Variants in SPATA6 observed in about 807,000 individuals in gnomAD.
SPATA6 encodes the protein spermatogenesis associated 6, also known as spermatogenesis-associated protein 6.
A neutral mutation model predicts 65.3 loss-of-function variants in SPATA6; 56 were observed. The ratio of observed to expected loss-of-function variants is 0.86; its 90% CI spans 0.69 to 1.07. The LOEUF (loss-of-function observed/expected upper bound fraction) is 1.07, where lower values mean the gene tolerates loss of function less well. Among genes scored for constraint, SPATA6 ranks in the 50% least tolerant of loss-of-function variants. The pLI, the probability that SPATA6 is intolerant of heterozygous loss-of-function variation, is 0.00. For missense variants in SPATA6, 590 were observed against 594.8 expected, an observed-to-expected ratio of 0.99 and a Z score of 0.08; for synonymous variants, 199 against 213.2, an observed-to-expected ratio of 0.93 and a Z score of 0.58.
intron 3 of SPATA6, among the ~76,000 whole-genome samples, chr1:48,421,674 A>G (rs1045185930): frequency 9.9e-5 from 15 of 152,260 alleles, no homozygotes; most frequent in African/African-American, 3.6e-4. Flanking sequence ...CCTTAAAAAC[A>G]GAAAAGAGAA....
intron 11 of SPATA6, among the ~76,000 whole-genome samples, chr1:48,309,940 A>C (rs1329857391): frequency 6.6e-6 from 1 of 152,182 alleles, no homozygotes; most frequent in Non-Finnish European, 1.5e-5. Context: ...GCAGAGCCTT[A>C]AGGTAGGCTG....
At chr1:48,317,765 T>C (rs545015592) in intron 11 of SPATA6, among the ~76,000 whole-genome samples, 2 of 152,258 alleles carry the variant, frequency 1.3e-5, no homozygotes, top group African/African-American at 2.4e-5. Context: ...ACCAAATCTT[T>C]ACAACTTCTT....
At chr1:48,354,234 CA>C (rs1646593275) in intron 11 of SPATA6, among the ~76,000 whole-genome samples, 2 of 152,088 alleles carry the variant, frequency 1.3e-5, no homozygotes, top group South Asian at 4.1e-4. Context: ...TACACACACA[CA>C]ATCAGTCAAA....
chr1:48,315,631 A>G lies in SPATA6; in HGVS notation c.1195-9753T>C, dbSNP rs369546553. Among the ~76,000 whole-genome samples the G allele has an allele frequency of 5.0e-3, 757 of 152,322 alleles. 6 individuals are homozygous for G. Among genetic ancestry groups the G allele is most frequent in the South Asian group, 0.027 (132 of 4,830 alleles). On this transcript the variant is annotated intron_variant, in intron 11 of 12. Coordinates refer to ENST00000371847, the MANE Select transcript of SPATA6 (RefSeq NM_019073.4). ...AGCATTCCCTTTGAAAACTGGCACA[A>G]GACAGGGATGCCCTCTCTCACCACT...
chr1:48,452,631 G>A lies in SPATA6; in HGVS notation c.189+363C>T, dbSNP rs1336573840. ...ACTCCTGACCTCAGGTGATCCACCC[G>A]CCTCGGCCTCCCAAAGTGCTGGGAT... On this transcript the variant is annotated intron_variant, in intron 2 of 12. Coordinates refer to ENST00000371847, the MANE Select transcript of SPATA6 (RefSeq NM_019073.4). Among the ~76,000 whole-genome samples, 6 of 152,174 alleles carry A rather than the reference G, an allele frequency of 3.9e-5. No homozygotes were observed. The East Asian group carries it at 7.7e-4, about 20-fold the overall frequency.
chr1:48,457,226 G>A (rs1041804162), intron 1 of SPATA6, among the ~76,000 whole-genome samples: 4 of 152,200 alleles, frequency 2.6e-5, no homozygotes, highest in Admixed American at 2.6e-4. Context: ...GAGGTCAGGA[G>A]TTCGAGACCA....
chr1:48,397,333 C>T (rs961726228), intron 7 of SPATA6, among the ~76,000 whole-genome samples: 6 of 151,646 alleles, frequency 4.0e-5, no homozygotes, highest in Admixed American at 2.0e-4. Flanking sequence ...ACTTTAAATT[C>T]GAAATGGTAA....
chr1:48,359,043 A>C (rs2148815497), intron 10 of SPATA6, among the ~76,000 whole-genome samples: 1 of 152,278 alleles, frequency 6.6e-6, no homozygotes, highest in South Asian at 2.1e-4. Context: ...TTCAATTTTA[A>C]AATATATGAA....
chr1:48,423,570 T>TC (rs1653559641), intron 3 of SPATA6, among the ~76,000 whole-genome samples: 1 of 146,496 alleles, frequency 6.8e-6, no homozygotes, highest in Admixed American at 6.7e-5. Context: ...CTTTCTTTTT[T>TC]TTTTTTTTTT....
At chr1:48,292,446 T>C (rs1054781534), downstream of SPATA6, among the ~76,000 whole-genome samples, 1 of 152,186 alleles carries the variant, frequency 6.6e-6, no homozygotes, top group Admixed American at 6.5e-5. Context: ...CCACTGGATA[T>C]AGCAGCAAGT....
chr1:48,315,903 G>A (rs1645400318), intron 11 of SPATA6, among the ~76,000 whole-genome samples: 1 of 152,030 alleles, frequency 6.6e-6, no homozygotes, highest in African/African-American at 2.4e-5. Context: ...AGAACAAACA[G>A]AGAGCCAAAT....
the SPATA6 span, among the ~76,000 whole-genome samples, chr1:48,290,020 G>C: frequency 2.0e-5 from 3 of 152,192 alleles, no homozygotes; most frequent in Admixed American, 1.3e-4. Flanking sequence ...GATACTCCTT[G>C]AGAAGAGCGA....
chr1:48,420,173 C>T (rs923944596), intron 3 of SPATA6, among the ~76,000 whole-genome samples: 3 of 152,130 alleles, frequency 2.0e-5, no homozygotes, highest in South Asian at 2.1e-4. Flanking sequence ...CCCAAGAAGA[C>T]AGTTTCTGAA....
chr1:48,424,364 A>G (rs1653641093), intron 3 of SPATA6, among the ~76,000 whole-genome samples: 1 of 152,240 alleles, frequency 6.6e-6, no homozygotes, highest in Admixed American at 6.5e-5. Flanking sequence ...TACTCTATTG[A>G]GTAAATGTAT....
rs556633194 is a variant in SPATA6, at chr1:48,434,213, G to A, written c.238+17339C>T. Among the ~76,000 whole-genome samples the A allele has an allele frequency of 1.8e-4, 24 of 136,794 alleles. 1 individual carries two copies. In the South Asian group the frequency reaches 5.2e-3, roughly 30 times the overall value. 89.7% of individuals were successfully genotyped at this position (136,794 alleles called of 152,430 possible). A position where few individuals can be genotyped will look rare whatever the true frequency, so the allele number is the denominator to read the frequency against. ...TTGTTTAACTCCTTGGATATCAAAC[G>A]CATAGTAGGTGCCAGGCACTATGCA... On this transcript the variant is annotated intron_variant, in intron 3 of 12. Coordinates refer to ENST00000371847, the MANE Select transcript of SPATA6 (RefSeq NM_019073.4).
intron 11 of SPATA6, among the ~76,000 whole-genome samples, chr1:48,348,191 T>G (rs769582637): frequency 1.3e-5 from 2 of 151,976 alleles, no homozygotes; most frequent in Non-Finnish European, 2.9e-5. Context: ...CACTACTCAT[T>G]AGAAGCAAGT....
intron 6 of SPATA6, among the ~76,000 whole-genome samples, chr1:48,399,897 C>T (rs1650997093): frequency 6.6e-6 from 1 of 151,678 alleles, no homozygotes; most frequent in Non-Finnish European, 1.5e-5. Flanking sequence ...AAAATTAAAG[C>T]CCGATACTTA....
At chr1:48,344,114 T>C (rs1281077405) in intron 11 of SPATA6, 1 of 152,112 alleles carries the variant, frequency 6.6e-6, no homozygotes, top group Non-Finnish European at 1.5e-5. Flanking sequence ...CAATATACGC[T>C]ATGAAAAATC....
chr1:48,433,039 T>C (rs1371221543), intron 3 of SPATA6, among the ~76,000 whole-genome samples: 1 of 152,066 alleles, frequency 6.6e-6, no homozygotes, highest in Non-Finnish European at 1.5e-5. Flanking sequence ...AAAAAACACA[T>C]AAATACAGCA....
Sources: gnomAD v4.1 joint callset for allele counts (sites outside exome capture counted in the v4.1 genomes callset) on GRCh38, gnomAD v4.1.1 for gene constraint, MANE v1.5 for transcripts, NCBI Gene and HGNC (gene_info 2026-07-23, HGNC 2026-07-21) for gene names.